GRM5: variants seen among roughly 807,000 people sequenced by gnomAD.
GRM5 encodes glutamate metabotropic receptor 5.
Under a neutral mutation model 83.1 loss-of-function variants are expected in GRM5, and 19 were observed. The ratio of observed to expected loss-of-function variants is 0.23; its 90% CI spans 0.16 to 0.34. The LOEUF (loss-of-function observed/expected upper bound fraction) is 0.34, where lower values mean the gene tolerates loss of function less well. Among genes scored for constraint, GRM5 ranks in the 10% least tolerant of loss-of-function variants. The probability of loss-of-function intolerance (pLI) is 1.00; values close to 1 mark genes in which losing one functional copy is unlikely to be tolerated. For missense variants in GRM5, 1,160 were observed against 1,588.3 expected (o/e 0.73, Z 4.58); for synonymous variants, 675 against 633.6 (o/e 1.07, Z -0.98).
intron 8 of GRM5, among the ~76,000 whole-genome samples, chr11:88,533,815 C>T (rs1942072710): frequency 6.6e-6 from 1 of 152,198 alleles, no homozygotes; most frequent in African/African-American, 2.4e-5. Flanking sequence ...CCTTCCATCA[C>T]AGATCTGGAG....
At chr11:89,016,341 A>C (rs1430915064) in intron 2 of GRM5, among the ~76,000 whole-genome samples, 1 of 151,008 alleles carries the variant, frequency 6.6e-6, no homozygotes, top group East Asian at 1.9e-4. Context: ...TGTGCATGGG[A>C]ATAATGGTTT....
At chr11:88,964,608 TTGAC>T (rs940934146) in intron 2 of GRM5, among the ~76,000 whole-genome samples, 1 of 152,110 alleles carries the variant, frequency 6.6e-6, no homozygotes, top group African/African-American at 2.4e-5. Context: ...TCCAAAATTA[TTGAC>T]TGACAACAAA....
chr11:88,785,884 T>C (rs991129157), intron 3 of GRM5, among the ~76,000 whole-genome samples: 2 of 152,090 alleles, frequency 1.3e-5, no homozygotes, highest in African/African-American at 2.4e-5. Flanking sequence ...AGCTGATACT[T>C]GATGTGTAAG....
At chr11:88,573,790 G>C (rs1313519682) in intron 7 of GRM5, among the ~76,000 whole-genome samples, 1 of 152,106 alleles carries the variant, frequency 6.6e-6, no homozygotes, top group African/African-American at 2.4e-5. Context: ...TAACTAATAA[G>C]CCATCTTTCT....
At chr11:88,680,476 G>C (rs915567495) in intron 3 of GRM5, among the ~76,000 whole-genome samples, 1 of 152,120 alleles carries the variant, frequency 6.6e-6, no homozygotes, top group Non-Finnish European at 1.5e-5. Context: ...TCTTAATCCA[G>C]TCTATCATTG....
In GRM5 at chr11:88,528,242, G is replaced by C. The variant is rs569357647; in HGVS notation, c.2631-2838C>G. ...ATGTGAGCAATATCTTAGACTTTTTGGAACTTTCAAGCAGTTTTTGTATTC... is the reference window on the plus strand; with the variant it reads ...ATGTGAGCAATATCTTAGACTTTTTCGAACTTTCAAGCAGTTTTTGTATTC... On this transcript the variant is annotated intron_variant, in intron 8 of 9. Coordinates refer to ENST00000305447, the MANE Select transcript of GRM5 (RefSeq NM_001143831.3). 3.3e-5 allele frequency among the ~76,000 whole-genome samples: 5 copies of C among 152,124 alleles called. No homozygotes were observed. In the East Asian group the frequency reaches 9.6e-4, roughly 29 times the overall value.
At chr11:88,535,085 T>C (rs1219998528) in intron 8 of GRM5, among the ~76,000 whole-genome samples, 1 of 152,216 alleles carries the variant, frequency 6.6e-6, no homozygotes, top group Non-Finnish European at 1.5e-5. Context: ...CAGTCTCGGG[T>C]ATGTCTTTAT....
intron 3 of GRM5, among the ~76,000 whole-genome samples, chr11:88,696,430 T>C (rs564769495): frequency 8.5e-5 from 13 of 152,234 alleles, no homozygotes; most frequent in African/African-American, 3.1e-4. Flanking sequence ...GGAGCCTTTG[T>C]CAGGGACCCC....
chr11:88,592,750 C>T (rs914801814), intron 6 of GRM5, among the ~76,000 whole-genome samples: 2 of 152,144 alleles, frequency 1.3e-5, no homozygotes, highest in Admixed American at 1.3e-4. Context: ...ATTTTGAACA[C>T]GAGGTAGTGA....
At chr11:88,538,787 C>A (rs1453869757) in intron 8 of GRM5, among the ~76,000 whole-genome samples, 1 of 152,124 alleles carries the variant, frequency 6.6e-6, no homozygotes, top group Non-Finnish European at 1.5e-5. Flanking sequence ...TATTATTATT[C>A]CTACTTTACA....
chr11:88,680,878 A>G (rs1425711111), intron 3 of GRM5, among the ~76,000 whole-genome samples: 3 of 152,176 alleles, frequency 2.0e-5, no homozygotes, highest in Non-Finnish European at 4.4e-5. Context: ...AGGAGGAGTA[A>G]CAATATGAGA....
intron 3 of GRM5, among the ~76,000 whole-genome samples, chr11:88,776,983 C>T (rs909335757): frequency 6.6e-6 from 1 of 152,160 alleles, no homozygotes; most frequent in Admixed American, 6.5e-5. Flanking sequence ...TGAATGTTGT[C>T]CTGCCTTGCT....
intron 7 of GRM5, among the ~76,000 whole-genome samples, chr11:88,575,001 T>TA: frequency 6.8e-6 from 1 of 147,418 alleles, no homozygotes; most frequent in East Asian, 2.0e-4. Context: ...TTTTTTTTTT[T>TA]ACTTTAGCAT....
intron 4 of GRM5, among the ~76,000 whole-genome samples, chr11:88,618,159 G>A (rs759840143): frequency 1.3e-5 from 2 of 152,134 alleles, no homozygotes; most frequent in Non-Finnish European, 2.9e-5. Flanking sequence ...GCCTAAGAAG[G>A]TAAGTGGGAA....
chr11:88,683,248 A>G (rs7950074), intron 3 of GRM5, among the ~76,000 whole-genome samples: 46,171 of 152,030 alleles, frequency 0.3, 7,862 homozygotes, highest in African/African-American at 0.47. Flanking sequence ...GGTATTGTCA[A>G]TGCCCCCATG....
chr11:88,628,961 C>T (rs1426487093), intron 4 of GRM5, among the ~76,000 whole-genome samples: 1 of 152,092 alleles, frequency 6.6e-6, no homozygotes, highest in East Asian at 1.9e-4. Flanking sequence ...AGAACGCAGG[C>T]CTCTAAGTAG....
At chr11:88,832,155 C>G (rs1944007027) in intron 3 of GRM5, among the ~76,000 whole-genome samples, 2 of 152,072 alleles carry the variant, frequency 1.3e-5, no homozygotes, top group Admixed American at 1.3e-4. Flanking sequence ...CACTCAGAGC[C>G]AAAGTGCCCT....
intron 2 of GRM5, among the ~76,000 whole-genome samples, chr11:88,933,105 T>C (rs1413655537): frequency 1.3e-5 from 2 of 151,630 alleles, no homozygotes; most frequent in Non-Finnish European, 3.0e-5. Flanking sequence ...AACTTTATAT[T>C]ACTTTCTATC....
At chr11:89,036,644 GACTATTAATCA>G (rs1941392232) in intron 2 of GRM5, among the ~76,000 whole-genome samples, 7 of 40,890 alleles carry the variant, frequency 1.7e-4, no homozygotes, top group Non-Finnish European at 4.9e-5. Context: ...CAACTGGCAA[GACTATTAATCA>G]GTATTTGTAC....
Sources: gnomAD v4.1 joint callset for allele counts (sites outside exome capture counted in the v4.1 genomes callset) on GRCh38, gnomAD v4.1.1 for gene constraint, MANE v1.5 for transcripts, NCBI Gene and HGNC (gene_info 2026-07-23, HGNC 2026-07-21) for gene names.